NEXMIF: variants seen among roughly 807,000 people sequenced by gnomAD.
NEXMIF encodes XLMR protein related to neurite extension.
In NEXMIF, 8 loss-of-function variants were observed where a neutral mutation model predicts 62.1. That is an observed-to-expected ratio of 0.13 (90% CI 0.08 to 0.23). The LOEUF is 0.23. NEXMIF is among the 10% of genes least tolerant of loss of function. The probability of loss-of-function intolerance (pLI) is 1.00; values close to 1 mark genes in which losing one functional copy is unlikely to be tolerated. For synonymous variants in NEXMIF, 404 were observed against 416.6 expected, an observed-to-expected ratio of 0.97 and a Z score of 0.37; for missense variants, 976 against 1,113.3, an observed-to-expected ratio of 0.88 and a Z score of 1.75.
In NEXMIF at chrX:74,775,037, TA is replaced by T. The variant is rs753754520; in HGVS notation, c.-47-29341del. On this transcript the variant is annotated intron_variant, in intron 1 of 3. Coordinates refer to ENST00000055682, the MANE Select transcript of NEXMIF (RefSeq NM_001008537.3). ...AGTGTCATTCTGGCCCCTGTTAAAA[TA>T]TTTTTTTGGGGGGAGAAAGGAGACT... Among the ~76,000 whole-genome samples the T allele has an allele frequency of 2.7e-5, 3 of 111,872 alleles. No homozygotes were observed. The South Asian group carries it at 1.1e-3, about 42-fold the overall frequency.
chrX:74,888,590 T>C (rs1432422427), intron 1 of NEXMIF, among the ~76,000 whole-genome samples: 1 of 110,487 alleles, frequency 9.1e-6, no homozygotes, highest in Non-Finnish European at 1.9e-5. Flanking sequence ...ATACCTAATG[T>C]AGATGACGAG....
Position 74,925,160 on chromosome X carries a change from C to A in NEXMIF, c.-325G>T, listed in dbSNP as rs1291055055. ...GAGTCAGAGCTGTCGGGCTCTGGCC[C>A]TGAAACTCAGAGCCTCCGCGGCTGC... On this transcript the variant is annotated 5_prime_UTR_variant, in exon 1 of 4. It adds an upstream start codon to the 5' untranslated region. Transcript: ENST00000055682. The A allele has an allele frequency of 8.6e-6, 1 of 116,016 alleles. No individual in the cohort carries two copies. Among genetic ancestry groups the A allele is most frequent in the Non-Finnish European group, 1.8e-5 (1 of 54,977 alleles). 9.6% of individuals were successfully genotyped at this position (116,016 alleles called of 1,213,427 possible).
chrX:74,912,087 AT>A (rs2147374138), intron 1 of NEXMIF, among the ~76,000 whole-genome samples: 1 of 111,832 alleles, frequency 8.9e-6, no homozygotes, highest in East Asian at 2.8e-4. Context: ...GGCAACAGTT[AT>A]TTCAGTGTAC....
At chrX:74,763,438 T>G (rs1355596937) in intron 1 of NEXMIF, among the ~76,000 whole-genome samples, 1 of 112,057 alleles carries the variant, frequency 8.9e-6, no homozygotes, top group Non-Finnish European at 1.9e-5. Context: ...TAGGATTGTC[T>G]TGGCACTGCG....
rs749030844 is a variant in NEXMIF, at chrX:74,906,274, T to TA, written c.-48+18608dup. Reference sequence around the variant, plus strand: ...GGTGACAGAGCAAGACCCCATCTCTTAAAAAAAAAAAAAGGAAAAGAAAAG... The same window carrying TA: ...GGTGACAGAGCAAGACCCCATCTCTTAAAAAAAAAAAAAAGGAAAAGAAAAG... On this transcript the variant is annotated intron_variant, in intron 1 of 3. Transcript: ENST00000055682. 3.2e-3 allele frequency among the ~76,000 whole-genome samples: 307 copies of TA among 96,163 alleles called. 3 individuals are homozygous for TA. The highest frequency in any genetic ancestry group is 0.011 in the East Asian group (35 of 3,166). The allele number at this position is 96,163 out of a possible 115,157, so 83.5% of individuals were successfully genotyped here. A position where few individuals can be genotyped will look rare whatever the true frequency, so the allele number is the denominator to read the frequency against.
At chrX:74,883,242 C>T (rs2080674003) in intron 1 of NEXMIF, among the ~76,000 whole-genome samples, 1 of 111,830 alleles carries the variant, frequency 8.9e-6, no homozygotes, top group Non-Finnish European at 1.9e-5. Flanking sequence ...CAGAGTGCCT[C>T]TCCTCCTCCA....
chrX:74,846,864 C>G (rs1360475537), intron 1 of NEXMIF, among the ~76,000 whole-genome samples: 1 of 112,120 alleles, frequency 8.9e-6, no homozygotes, highest in Non-Finnish European at 1.9e-5. Context: ...GTAATAAGCT[C>G]TTTTCCTCAG....
chrX:74,867,678 A>G (rs745521837), intron 1 of NEXMIF, among the ~76,000 whole-genome samples: 1 of 112,323 alleles, frequency 8.9e-6, no homozygotes, highest in African/African-American at 3.2e-5. Context: ...AACTATATAA[A>G]ACCTGGAAGA....
In NEXMIF at chrX:74,818,872, T is replaced by A. The variant is rs762430680; in HGVS notation, c.-47-73175A>T. Among the ~76,000 whole-genome samples the A allele has an allele frequency of 3.6e-5, 4 of 111,656 alleles. No homozygotes were observed. In the South Asian group the frequency reaches 1.5e-3, roughly 42 times the overall value. ...AAAAAATGCTCAACATCACTAATCATTAGAGAAATGCAAATCAAAACCACA... is the reference window on the plus strand; with the variant it reads ...AAAAAATGCTCAACATCACTAATCAATAGAGAAATGCAAATCAAAACCACA... On this transcript the variant is annotated intron_variant, in intron 1 of 3. Transcript: ENST00000055682.
chrX:74,866,902 T>C (rs2080581774), intron 1 of NEXMIF, among the ~76,000 whole-genome samples: 1 of 112,381 alleles, frequency 8.9e-6, no homozygotes, highest in African/African-American at 3.2e-5. Context: ...GTCTCGGGTA[T>C]GTCCTTATAG....
intron 1 of NEXMIF, among the ~76,000 whole-genome samples, chrX:74,823,784 G>A (rs970687373): frequency 1.6e-4 from 18 of 110,843 alleles, no homozygotes; most frequent in African/African-American, 5.6e-4. Context: ...AAAATAGATG[G>A]GGGAGAGAAG....
intron 1 of NEXMIF, among the ~76,000 whole-genome samples, chrX:74,884,543 C>A (rs951621652): frequency 3.6e-5 from 4 of 111,666 alleles, no homozygotes; most frequent in African/African-American, 1.3e-4. Flanking sequence ...TCAAAAGAGA[C>A]AAAGCAGGCC....
intron 1 of NEXMIF, among the ~76,000 whole-genome samples, chrX:74,783,566 T>C (rs1004026280): frequency 2.7e-5 from 3 of 110,841 alleles, no homozygotes; most frequent in Non-Finnish European, 5.7e-5. Flanking sequence ...CAGCAGAGGG[T>C]CAATTTGAGG....
At chrX:74,745,719 T>C in intron 1 of NEXMIF, 22 bp from the exon 2 acceptor site, 1 of 658,898 alleles carries the variant, frequency 1.5e-6, no homozygotes, top group South Asian at 2.5e-5. Context: ...AAATATATAA[T>C]ATCAGTCATT....
Position 74,733,369 on chromosome X carries a change from T to C in NEXMIF, c.*6036A>G, listed in dbSNP as rs2080077437. ...TACATTTGGGCTTTTATTTTGCATA[T>C]CTTTTTTCCATTTAACTTTCTTAGA... On this transcript the variant is annotated 3_prime_UTR_variant, in exon 4 of 4. Transcript: ENST00000055682. 8.9e-6 allele frequency: 1 copy of C among 112,156 alleles called. No individual in the cohort carries two copies. The highest frequency in any genetic ancestry group is 1.9e-5 in the Non-Finnish European group (1 of 53,232). The allele number at this position is 112,156 out of a possible 1,213,427, so 9.2% of individuals were successfully genotyped here. A position where few individuals can be genotyped will look rare whatever the true frequency, so the allele number is the denominator to read the frequency against.
At chrX:74,834,074 C>T (rs1452721251) in intron 1 of NEXMIF, among the ~76,000 whole-genome samples, 2 of 100,611 alleles carry the variant, frequency 2.0e-5, no homozygotes, top group African/African-American at 3.7e-5. Context: ...GCGGAGGTTG[C>T]GGTGAGCCAA....
rs374045534 is a variant in NEXMIF at position 74,740,322 on chromosome X, C to A, written c.4235G>T (p.Arg1412Leu). ...CTCGTTATAACCAGGCATGTTTGCA[C>A]GACCAGGATCACCTATTGCTGTTTT... is the stretch of plus-strand genomic sequence containing the variant. ...NGKTAIGDPG[R>L]ANMPGYNEDS... Residue 1412 changes from arginine (R) to leucine (L), a missense_variant, in exon 3 of 4, where the codon CGT becomes CTT. Physicochemically the swap from Arg to Leu is moderately radical, Grantham distance 102. Coordinates refer to ENST00000055682, the MANE Select transcript of NEXMIF (RefSeq NM_001008537.3). The A allele has an allele frequency of 8.3e-7, 1 of 1,211,409 alleles. No homozygotes were observed. The highest frequency in any genetic ancestry group is 2.2e-5 in the Admixed American group (1 of 46,019).
rs765748747 is a variant in NEXMIF, at chrX:74,925,072, G to C, written c.-237C>G. On this transcript the variant is annotated 5_prime_UTR_variant, in exon 1 of 4. Transcript: ENST00000055682. Reference sequence around the variant, plus strand: ...TGCCTCAGCTCCATACGCTGGGCCCGCCAGGTGGACGCGCCTCTCTCCTCG... The same window carrying C: ...TGCCTCAGCTCCATACGCTGGGCCCCCCAGGTGGACGCGCCTCTCTCCTCG... 122 of 117,988 alleles carry C rather than the reference G, an allele frequency of 1.0e-3. No homozygotes were observed. Among genetic ancestry groups the C allele is most frequent in the Admixed American group, 2.4e-3 (26 of 10,903 alleles). The allele number at this position is 117,988 out of a possible 1,213,427, so 9.7% of individuals were successfully genotyped here. A position where few individuals can be genotyped will look rare whatever the true frequency, so the allele number is the denominator to read the frequency against.
At chrX:74,905,766 C>A (rs2080765859) in intron 1 of NEXMIF, among the ~76,000 whole-genome samples, 1 of 110,882 alleles carries the variant, frequency 9.0e-6, no homozygotes, top group South Asian at 3.9e-4. Context: ...GCCCAGACTG[C>A]ACCACTGCAC....
Sources: allele counts gnomAD v4.1 joint callset (sites outside exome capture counted in the v4.1 genomes callset), GRCh38; gene constraint gnomAD v4.1.1; transcripts MANE v1.5; gene names NCBI Gene and HGNC (gene_info 2026-07-23, HGNC 2026-07-21).